Variants in NIN observed in about 807,000 individuals in gnomAD.
NIN encodes the protein glycogen synthase kinase 3 beta-interacting protein.
In NIN, 137 loss-of-function variants were observed where a neutral mutation model predicts 257.6. That is an observed-to-expected ratio of 0.53 (90% confidence interval 0.46 to 0.61). The LOEUF (loss-of-function observed/expected upper bound fraction) is 0.61, where lower values mean the gene tolerates loss of function less well. NIN is among the 20% of genes least tolerant of loss of function. The probability of loss-of-function intolerance (pLI) is 0.00; values close to 1 mark genes in which losing one functional copy is unlikely to be tolerated. For synonymous variants in NIN, 918 were observed against 919.8 expected, an observed-to-expected ratio of 1.00 and a Z score of 0.04; for missense variants, 2,439 against 2,501.2, an observed-to-expected ratio of 0.98 and a Z score of 0.53.
chr14:50,814,266 C>T (rs1595925967), intron 3 of NIN, among the ~76,000 whole-genome samples: 1 of 152,164 alleles, frequency 6.6e-6, no homozygotes, highest in African/African-American at 2.4e-5. Flanking sequence ...ATCACCACCA[C>T]GCAAGAGAAC....
intron 3 of NIN, among the ~76,000 whole-genome samples, chr14:50,817,722 G>A (rs1288789616): frequency 6.6e-6 from 1 of 152,036 alleles, no homozygotes; most frequent in East Asian, 1.9e-4. Context: ...GGCATACTAC[G>A]TAAGGAGTTT....
chr14:50,797,675 G>T (rs2043902102), intron 4 of NIN, among the ~76,000 whole-genome samples: 1 of 152,110 alleles, frequency 6.6e-6, no homozygotes, highest in East Asian at 1.9e-4. Flanking sequence ...ACCCACGCCT[G>T]ATTCTAAATA....
At chr14:50,747,584 A>G (rs903689494) in intron 22 of NIN, among the ~76,000 whole-genome samples, 1 of 151,958 alleles carries the variant, frequency 6.6e-6, no homozygotes, top group African/African-American at 2.4e-5. Flanking sequence ...AAACACAAAA[A>G]TTATCTGGGC....
chr14:50,739,231 A>T (rs2041152327), intron 26 of NIN, 77 bp downstream of exon 26: 6 of 1,408,504 alleles, frequency 4.3e-6, no homozygotes, highest in Non-Finnish European at 6.0e-6. Context: ...AACCATTCCA[A>T]TCATATCCAA....
rs146881123 is a variant in NIN at position 50,776,599 on chromosome 14, T to C, written c.666+350A>G. The stretch of plus-strand genomic sequence containing the variant: ...CCCAACTCAAATCTACTGAAATCCT[T>C]GCTTAATTCTGCCTCCACATGTTTC... On this transcript the variant is annotated intron_variant, in intron 7 of 30. Transcript: ENST00000530997. 4.6e-5 allele frequency among the ~76,000 whole-genome samples: 7 copies of C among 152,344 alleles called. No homozygotes were observed. The East Asian group carries it at 1.3e-3, about 29-fold the overall frequency.
chr14:50,735,128 G>T (rs191064797), intron 28 of NIN, among the ~76,000 whole-genome samples: 24 of 152,290 alleles, frequency 1.6e-4, no homozygotes, highest in Non-Finnish European at 2.8e-4. Context: ...TTTCCCAACT[G>T]AAGAGGGTGC....
chr14:50,756,799 A>G lies in NIN; in HGVS notation c.4231T>C (p.Trp1411Arg). 1 of 1,551,650 alleles carries G rather than the reference A, an allele frequency of 6.4e-7. No individual in the cohort carries two copies. The highest frequency in any genetic ancestry group is 8.7e-7 in the Non-Finnish European group (1 of 1,146,960). The change falls in exon 18 of 31, where the codon TGG becomes CGG. Residue 1411 changes from tryptophan (W) to arginine (R), a missense_variant. This residue lies in a region of NIN where 2,043 missense variants were observed against 2,050.2 expected (regional missense o/e 1.00). Coordinates refer to ENST00000530997, the MANE Select transcript of NIN (RefSeq NM_020921.4). ...TGTGTCTGAATTGTTCCATGTAACC[A>G]GGCAATTTCATGTGCTTTTACTTTT... ...LEKVKAHEIA[W>R]LHGTIQTHQE...
intron 3 of NIN, among the ~76,000 whole-genome samples, chr14:50,811,370 A>G (rs1418408468): frequency 1.3e-5 from 2 of 151,942 alleles, no homozygotes; most frequent in East Asian, 3.9e-4. Context: ...CGGCCTCCCA[A>G]AGTGTTGGGA....
rs1362452508 is a variant in NIN, at chr14:50,772,954, T to C, written c.808A>G (p.Met270Val). The C allele has an allele frequency of 1.2e-6, 2 of 1,609,356 alleles. No individual in the cohort carries two copies. Among genetic ancestry groups the C allele is most frequent in the Non-Finnish European group, 1.7e-6 (2 of 1,178,790 alleles). Residue 270 changes from methionine to valine, a missense_variant, in exon 8 of 31, where the codon ATG becomes GTG. Met to Val is a conservative substitution (Grantham distance 21). This residue lies in a region of NIN where 387 missense variants were observed against 427.3 expected (regional missense o/e 0.91). Coordinates refer to ENST00000530997, the MANE Select transcript of NIN (RefSeq NM_020921.4). ...CACTTCTGCTTATTTTTTACCTGCA[T>C]GGAAAGGTGCCTTTTTAGTTGTCTA... ...PYRQLKRHLS[M>V]QSFDESGRRT...
chr14:50,759,737 C>T, intron 17 of NIN, 120 bp downstream of exon 17: 1 of 1,041,872 alleles, frequency 9.6e-7, no homozygotes, highest in South Asian at 1.6e-5. Flanking sequence ...GATCCGCCCA[C>T]CTCGGCCTCC....
chr14:50,732,747 A>T (rs1435101991), intron 28 of NIN, among the ~76,000 whole-genome samples: 1 of 151,628 alleles, frequency 6.6e-6, no homozygotes, highest in African/African-American at 2.4e-5. Flanking sequence ...TTTTTTTTTG[A>T]GACGGAGTCT....
rs2042510174 is a variant in NIN at position 50,766,903 on chromosome 14, G to A, written c.1435-13C>T. On this transcript the variant is annotated splice_polypyrimidine_tract_variant and intron_variant, in intron 12 of 30. Transcript: ENST00000530997. ...GACGACTGTTTTCCTGAACAAGTAT[G>A]GGGAAATTAAATGTGGTACAGATTA... is the stretch of plus-strand genomic sequence containing the variant. 1.3e-6 allele frequency: 2 copies of A among 1,571,034 alleles called. No homozygotes were observed. Among genetic ancestry groups the A allele is most frequent in the East Asian group, 2.2e-5 (1 of 44,684 alleles).
At position 50,776,991 on chromosome 14, in the gene NIN, G is replaced by C; in HGVS notation, c.624C>G (p.Val208=). The C allele has an allele frequency of 6.2e-7, 1 of 1,614,134 alleles. No homozygotes were observed. ...GTAAACCATACTGCTCACAGATGGA[G>C]ACCAGCTTCTTCCGGTTCAGGTGAC... ...RDGHLNRKKL[V]SICEQYGLQN... The change falls in exon 7 of 31, where the codon GTC becomes GTG. Residue 208 remains valine (V), a synonymous_variant. Coordinates refer to ENST00000530997, the MANE Select transcript of NIN (RefSeq NM_020921.4).
chr14:50,766,202 C>T lies in NIN; in HGVS notation c.1635+105G>A, dbSNP rs1595815499. 4 of 795,288 alleles carry T rather than the reference C, an allele frequency of 5.0e-6. No individual in the cohort carries two copies. The East Asian group carries it at 1.0e-4, about 20-fold the overall frequency. The allele number at this position is 795,288 out of a possible 1,614,324, so 49.3% of individuals were successfully genotyped here. Reference sequence around the variant, plus strand: ...TTTTATGCATGAGGAATGGAAGTACCCACAGATGAAGTGACTTGCTTAGGG... The same window carrying T: ...TTTTATGCATGAGGAATGGAAGTACTCACAGATGAAGTGACTTGCTTAGGG... On this transcript the variant is annotated intron_variant, in intron 14 of 30. Transcript: ENST00000530997.
chr14:50,774,577 TC>T (rs2042850438), intron 7 of NIN, among the ~76,000 whole-genome samples: 1 of 152,204 alleles, frequency 6.6e-6, no homozygotes, highest in Non-Finnish European at 1.5e-5. Flanking sequence ...TCTATCCTGT[TC>T]TTATCAACCA....
intron 5 of NIN, 41 bp downstream of exon 5, chr14:50,792,671 A>G (rs896264983): frequency 6.2e-7 from 1 of 1,611,470 alleles, no homozygotes; most frequent in Non-Finnish European, 8.5e-7. Flanking sequence ...GTGGGGCTCC[A>G]CACTCATGAT....
At chr14:50,828,603 C>T (rs928244290) in intron 2 of NIN, among the ~76,000 whole-genome samples, 4 of 152,198 alleles carry the variant, frequency 2.6e-5, no homozygotes, top group African/African-American at 9.7e-5. Context: ...CTGTTTAAAT[C>T]CTTCTAAAAT....
In NIN at chr14:50,760,270, C is replaced by T. The variant is rs761557767; in HGVS notation, c.1986G>A (p.Thr662=). The stretch of plus-strand genomic sequence containing the variant: ...CACTTATTTGTTTTTCTAAGGTGTG[C>T]GTTTCGTTCTCATGCCTTTGCTTCA... ...ENMKQRHENE[T]HTLEKQISDL... Residue 662 remains threonine (T), a synonymous_variant, in exon 17 of 31, where the codon ACG becomes ACA. Coordinates refer to ENST00000530997, the MANE Select transcript of NIN (RefSeq NM_020921.4). 1.5e-5 allele frequency: 24 copies of T among 1,610,622 alleles called. No homozygotes were observed. Among genetic ancestry groups the T allele is most frequent in the East Asian group, 8.9e-5 (4 of 44,866 alleles).
rs779119180 is a variant in NIN, at chr14:50,738,269, G to C, written c.5646C>G (p.Ser1882=). ...HSREKVRQLE[S]NLLPKHQKHL... is the part of the protein sequence containing the mutation. ...GTTTTTGGTGCTTGGGAAGAAGATT[G>C]GATTCCAACTGACGGACCTAACAGG... Residue 1882 remains serine, a synonymous_variant, in exon 27 of 31, where the codon TCC becomes TCG. Transcript: ENST00000530997. 5 of 1,613,540 alleles carry C rather than the reference G, an allele frequency of 3.1e-6. No homozygotes were observed. The highest frequency in any genetic ancestry group is 4.2e-6 in the Non-Finnish European group (5 of 1,179,736).
Sources: allele counts gnomAD v4.1 joint callset (sites outside exome capture counted in the v4.1 genomes callset), GRCh38; gene constraint gnomAD v4.1.1; regional missense constraint gnomAD v4.1.1; transcripts MANE v1.5; gene names NCBI Gene and HGNC (gene_info 2026-07-23, HGNC 2026-07-21).